MACF1: variants seen among roughly 807,000 people sequenced by gnomAD.
MACF1 encodes microtubule actin crosslinking factor 1.
MACF1 carries 193 observed loss-of-function variants against 854.8 expected under a neutral mutation model. The observed-to-expected ratio is 0.23, with a 90% CI of 0.20 to 0.25. The LOEUF is 0.25. MACF1 is among the 10% of genes least tolerant of loss of function. The pLI is 1.00. For missense variants in MACF1, 7,722 were observed against 8,929.1 expected (o/e 0.86, Z 5.45); for synonymous variants, 3,185 against 3,226.7 (o/e 0.99, Z 0.44).
chr1:39,209,219 T>G (rs1417440582), intron 1 of MACF1, among the ~76,000 whole-genome samples: 1 of 140,142 alleles, frequency 7.1e-6, no homozygotes, highest in African/African-American at 2.6e-5. Flanking sequence ...AAACTCCATC[T>G]AAAAAAAAAA....
At chr1:39,374,946 T>C (rs1649580509) in intron 52 of MACF1, among the ~76,000 whole-genome samples, 2 of 151,848 alleles carry the variant, frequency 1.3e-5, no homozygotes, top group South Asian at 4.2e-4. Flanking sequence ...TCGTCTCTAC[T>C]AAAAATACAA....
chr1:39,467,075 T>C (rs1644684323), intron 95 of MACF1, among the ~76,000 whole-genome samples: 1 of 152,202 alleles, frequency 6.6e-6, no homozygotes, highest in Non-Finnish European at 1.5e-5. Context: ...TTTATAACTT[T>C]GAAAATCCTG....
chr1:39,425,039 T>C (rs1361548170), intron 61 of MACF1, among the ~76,000 whole-genome samples: 2 of 152,232 alleles, frequency 1.3e-5, no homozygotes, highest in African/African-American at 4.8e-5. Flanking sequence ...GAATTTAACT[T>C]ACTTGTATTT....
rs1646456477 is a variant in MACF1 at position 39,318,570 on chromosome 1, G to T, written c.3900G>T (p.Gln1300His). 2.5e-6 allele frequency: 4 copies of T among 1,613,844 alleles called. No homozygotes were observed. In the African/African-American group the frequency reaches 5.3e-5, roughly 22 times the overall value. The change falls in exon 30 of 101, where the codon CAG (glutamine) becomes CAT (histidine). Residue 1300 changes from glutamine to histidine, a missense_variant. Physicochemically the swap from Gln to His is conservative, Grantham distance 24. Coordinates refer to ENST00000564288, the MANE Select transcript of MACF1 (RefSeq NM_001394062.1). ...AGCAGGAAATGATGAAGCCAGGCCA[G>T]GCAGAGGATAGCAGAGTGCTTTCGG... Reference protein sequence around the residue: ...TAQQEMMKPGQAEDSRVLSEQ... With the variant: ...TAQQEMMKPGHAEDSRVLSEQ...
At chr1:39,088,130 G>A (rs1451654405) in intron 2 of MACF1, among the ~76,000 whole-genome samples, 1 of 152,086 alleles carries the variant, frequency 6.6e-6, no homozygotes, top group African/African-American at 2.4e-5. Context: ...CTGCCACCTT[G>A]CCCGGCTAAT....
chr1:39,337,029 G>T (rs1348167547), intron 37 of MACF1, among the ~76,000 whole-genome samples, 153 bp from the exon 38 acceptor site: 1 of 152,132 alleles, frequency 6.6e-6, no homozygotes, highest in Non-Finnish European at 1.5e-5. Context: ...TTTGTCTATT[G>T]ATTTGAAATG....
intron 6 of MACF1, among the ~76,000 whole-genome samples, chr1:39,278,408 A>G (rs961285307): frequency 7.9e-5 from 12 of 152,176 alleles, no homozygotes; most frequent in Admixed American, 2.0e-4. Flanking sequence ...CATTACAACT[A>G]TGTTTAAAAT....
chr1:39,473,558 A>G (rs1231999682), intron 97 of MACF1, among the ~76,000 whole-genome samples: 12 of 152,182 alleles, frequency 7.9e-5, no homozygotes, highest in Admixed American at 3.3e-4. Context: ...ACAGCGAGAG[A>G]GTGAGCCCCA....
intron 66 of MACF1, 125 bp downstream of exon 66, chr1:39,431,033 AAT>A: frequency 1.1e-6 from 1 of 893,642 alleles, no homozygotes; most frequent in South Asian, 1.6e-5. Flanking sequence ...TGGTGGAATA[AAT>A]ATGTTTCATT....
At chr1:39,479,603 A>G (rs1644977911) in intron 97 of MACF1, among the ~76,000 whole-genome samples, 195 bp from the exon 98 acceptor site, 2 of 152,182 alleles carry the variant, frequency 1.3e-5, no homozygotes, top group Non-Finnish European at 2.9e-5. Context: ...TATACAGTTA[A>G]CATATCTGCT....
chr1:39,360,052 TAC>T (rs373864736), intron 47 of MACF1, among the ~76,000 whole-genome samples: 1,573 of 49,682 alleles, frequency 0.032, 69 homozygotes, highest in African/African-American at 0.039. Flanking sequence ...TATATATATA[TAC>T]ACACACACAC....
chr1:39,337,718 C>T (rs892350735), intron 38 of MACF1, among the ~76,000 whole-genome samples: 9 of 151,430 alleles, frequency 5.9e-5, no homozygotes, highest in South Asian at 2.1e-4. Flanking sequence ...AGGCACCTGC[C>T]GCCACGCCTG....
rs935145178 is a variant in MACF1, at chr1:39,135,289, C to G, written c.220+50851C>G. 2.0e-5 allele frequency among the ~76,000 whole-genome samples: 3 copies of G among 152,128 alleles called. No individual in the cohort carries two copies. The East Asian group carries it at 5.8e-4, about 29-fold the overall frequency. On this transcript the variant is annotated intron_variant, in intron 2 of 93. Transcript: ENST00000361689. ...TTAGACAGCGTCTTGCTCTGTTGCCCAGGCTGGAGTGCAATGGTGCGATTT... is the reference window on the plus strand; with the variant it reads ...TTAGACAGCGTCTTGCTCTGTTGCCGAGGCTGGAGTGCAATGGTGCGATTT...
At chr1:39,235,789 C>T (rs763846141) in intron 2 of MACF1, among the ~76,000 whole-genome samples, 1 of 152,210 alleles carries the variant, frequency 6.6e-6, no homozygotes, top group Non-Finnish European at 1.5e-5. Flanking sequence ...GGCTAGAGTG[C>T]GGTGGTACAA....
chr1:39,213,318 A>G (rs4660543), intron 1 of MACF1, among the ~76,000 whole-genome samples: 24,394 of 152,098 alleles, frequency 0.16, 2,432 homozygotes, highest in Middle Eastern at 0.22. Flanking sequence ...GAGTCCCTAC[A>G]CTCAGATAAT....
At position 39,295,232 on chromosome 1, in the gene MACF1, C is replaced by G; in HGVS notation, c.2259+82C>G. 4 of 1,166,212 alleles carry G rather than the reference C, an allele frequency of 3.4e-6. No individual in the cohort carries two copies. The Admixed American group carries it at 7.2e-5, about 21-fold the overall frequency. The allele number at this position is 1,166,212 out of a possible 1,614,324, so 72.2% of individuals were successfully genotyped here. A position where few individuals can be genotyped will look rare whatever the true frequency, so the allele number is the denominator to read the frequency against. ...TATTCAAATTAGAGACTTTGTTCCACTGAAAGACTTGGAGGAAGTGTCAGG... is the reference window on the plus strand; with the variant it reads ...TATTCAAATTAGAGACTTTGTTCCAGTGAAAGACTTGGAGGAAGTGTCAGG... On this transcript the variant is annotated intron_variant, in intron 19 of 100. Coordinates refer to ENST00000564288, the MANE Select transcript of MACF1 (RefSeq NM_001394062.1).
chr1:39,094,285 A>C (rs1005517381), intron 2 of MACF1, among the ~76,000 whole-genome samples: 9 of 152,054 alleles, frequency 5.9e-5, no homozygotes, highest in African/African-American at 9.7e-5. Context: ...TCTCCACAAA[A>C]AATAAAGCAA....
chr1:39,439,629 GT>G, intron 72 of MACF1, 129 bp downstream of exon 72: 1 of 713,810 alleles, frequency 1.4e-6, no homozygotes, highest in Non-Finnish European at 2.3e-6. Flanking sequence ...TTTTGTTTTT[GT>G]TTTTTGCTCT....
chr1:39,418,732 G>A (rs1426658604), intron 58 of MACF1, among the ~76,000 whole-genome samples: 11 of 152,102 alleles, frequency 7.2e-5, no homozygotes, highest in African/African-American at 2.2e-4. Flanking sequence ...GTGTGGTGGC[G>A]CATGCCTGTA....
Sources: allele counts gnomAD v4.1 joint callset (sites outside exome capture counted in the v4.1 genomes callset), GRCh38; gene constraint gnomAD v4.1.1; transcripts MANE v1.5; gene names NCBI Gene and HGNC (gene_info 2026-07-23, HGNC 2026-07-21).